SLC9A8: variants seen among roughly 807,000 people sequenced by gnomAD.
SLC9A8 encodes sodium/hydrogen exchanger 8.
A neutral mutation model predicts 66.6 loss-of-function variants in SLC9A8; 48 were observed. That is an observed-to-expected ratio of 0.72 (90% CI 0.57 to 0.92). SLC9A8 has a LOEUF of 0.92. Ranked by LOEUF, SLC9A8 falls within the 40% of genes least tolerant of loss-of-function variation. The pLI is 0.00. For missense variants in SLC9A8, 599 were observed against 747.3 expected (o/e 0.80, Z 2.31); for synonymous variants, 274 against 282.6 (o/e 0.97, Z 0.31).
chr20:49,839,979 G>A (rs552369933), intron 4 of SLC9A8, among the ~76,000 whole-genome samples: 1 of 152,238 alleles, frequency 6.6e-6, no homozygotes, highest in East Asian at 1.9e-4. Context: ...CCAGTACTGT[G>A]AGACACAGTA....
At chr20:49,878,112 C>T (rs748838460) in intron 12 of SLC9A8, 49 bp downstream of exon 12, 4 of 1,164,262 alleles carry the variant, frequency 3.4e-6, no homozygotes, top group Admixed American at 4.8e-5. Context: ...ATTTGTAGAT[C>T]AATAAACACA....
chr20:49,813,075 C>A, intron 1 of SLC9A8, 127 bp downstream of exon 1: 5 of 445,790 alleles, frequency 1.1e-5, no homozygotes, highest in Non-Finnish European at 1.1e-5. Context: ...CAGGACTGAC[C>A]AAGCCGGTGC....
rs3091810 is a variant in SLC9A8 at position 49,847,907 on chromosome 20, G to GTTTT, written c.433-1656_433-1653dup. ...CAAACAGGTCAAAACTGATTAATCT[G>GTTTT]TTTTTTTTTTTTTTTTTTTGAGATG... On this transcript the variant is annotated intron_variant, in intron 5 of 15. Transcript: ENST00000361573. 2.3e-3 allele frequency among the ~76,000 whole-genome samples: 269 copies of GTTTT among 115,050 alleles called. 12 individuals are homozygous for GTTTT. Among genetic ancestry groups the GTTTT allele is most frequent in the Non-Finnish European group, 2.8e-3 (169 of 60,024 alleles). 75.5% of individuals were successfully genotyped at this position (115,050 alleles called of 152,430 possible).
chr20:49,855,039 G>A (rs1409854297), intron 7 of SLC9A8, among the ~76,000 whole-genome samples: 2 of 152,198 alleles, frequency 1.3e-5, no homozygotes, highest in Non-Finnish European at 1.5e-5. Flanking sequence ...GGTCGGTCAC[G>A]GACAGCATTC....
intron 8 of SLC9A8, among the ~76,000 whole-genome samples, chr20:49,860,021 C>A (rs1201051019): frequency 2.5e-4 from 38 of 152,166 alleles, no homozygotes; most frequent in Non-Finnish European, 8.8e-5. Context: ...TCTCTTTGGG[C>A]CTCAGGCTAC....
intron 1 of SLC9A8, 44 bp downstream of exon 1, chr20:49,812,992 C>T (rs996249680): frequency 8.8e-6 from 12 of 1,367,274 alleles, no homozygotes; most frequent in Non-Finnish European, 1.0e-5. Context: ...CGGGGCTGGG[C>T]CCCGGCGGGT....
At chr20:49,828,221 T>C (rs6020071) in intron 3 of SLC9A8, among the ~76,000 whole-genome samples, 150,085 of 151,366 alleles carry the variant, frequency 0.99, 74,412 homozygotes, top group Middle Eastern at 1. Context: ...GCTGGGATTA[T>C]AGGTGCCTGC....
At chr20:49,837,738 T>C (rs2087596270) in intron 3 of SLC9A8, among the ~76,000 whole-genome samples, 1 of 152,106 alleles carries the variant, frequency 6.6e-6, no homozygotes. Flanking sequence ...GGCTAATTTT[T>C]GTATTTTTTT....
intron 4 of SLC9A8, among the ~76,000 whole-genome samples, chr20:49,842,377 T>C (rs2087804376): frequency 6.6e-6 from 1 of 152,182 alleles, no homozygotes; most frequent in Non-Finnish European, 1.5e-5. Context: ...CATGTTTATT[T>C]TCAAGGCAAC....
intron 13 of SLC9A8, among the ~76,000 whole-genome samples, chr20:49,882,808 GC>G (rs1265145731): frequency 1.3e-5 from 2 of 152,180 alleles, no homozygotes; most frequent in African/African-American, 4.8e-5. Context: ...GAATCCTCTG[GC>G]CCGTGACAGG....
At chr20:49,814,006 A>G (rs2086456939) in intron 1 of SLC9A8, among the ~76,000 whole-genome samples, 1 of 152,202 alleles carries the variant, frequency 6.6e-6, no homozygotes, top group Admixed American at 6.5e-5. Flanking sequence ...TGAGTATGTG[A>G]AGATGAATAA....
chr20:49,867,140 T>G (rs1323126401), intron 10 of SLC9A8, among the ~76,000 whole-genome samples: 2 of 152,234 alleles, frequency 1.3e-5, no homozygotes, highest in Non-Finnish European at 2.9e-5. Flanking sequence ...ATTTTCTTGC[T>G]CTTTGCTTGT....
At chr20:49,826,165 G>A (rs1367224813) in intron 3 of SLC9A8, among the ~76,000 whole-genome samples, 1 of 152,238 alleles carries the variant, frequency 6.6e-6, no homozygotes, top group African/African-American at 2.4e-5. Context: ...CAGGGAGAGT[G>A]CTGAGGTCCA....
chr20:49,874,935 C>T, intron 11 of SLC9A8, 114 bp downstream of exon 11: 2 of 755,700 alleles, frequency 2.6e-6, no homozygotes, highest in South Asian at 3.0e-5. Flanking sequence ...AGCAGCTCCT[C>T]AGAGCCAGAT....
At chr20:49,819,643 C>G (rs2086667792) in intron 2 of SLC9A8, among the ~76,000 whole-genome samples, 1 of 152,120 alleles carries the variant, frequency 6.6e-6, no homozygotes, top group South Asian at 2.1e-4. Flanking sequence ...TCACTACTAT[C>G]TAGTTTCAGA....
intron 2 of SLC9A8, 138 bp from the exon 3 acceptor site, chr20:49,822,923 C>A: frequency 3.0e-6 from 2 of 671,054 alleles, no homozygotes; most frequent in Non-Finnish European, 5.3e-6. Flanking sequence ...CGAAAAACAC[C>A]GCTGAAGTTC....
rs145126338 is a variant in SLC9A8 at position 49,886,781 on chromosome 20, G to A, written c.1521G>A (p.Ser507=). 1.7e-4 allele frequency: 270 copies of A among 1,614,108 alleles called. No individual in the cohort carries two copies. The highest frequency in any genetic ancestry group is 3.9e-4 in the African/African-American group (29 of 75,054). ...MGNTVESEHL[S]ELTEEEYEAH... Reference sequence around the variant, plus strand: ...ACACTGTGGAGTCGGAGCACCTGTCGGAGCTCACGGAGGAGGAGTACGAGG... The same window carrying A: ...ACACTGTGGAGTCGGAGCACCTGTCAGAGCTCACGGAGGAGGAGTACGAGG... Residue 507 remains serine (S), a synonymous_variant, in exon 15 of 16, where the codon TCG becomes TCA. Coordinates refer to ENST00000361573, the MANE Select transcript of SLC9A8 (RefSeq NM_015266.3). This position sits in a 1 kb window ranked among gnomAD's most constrained non-coding sequence, Gnocchi z 4.8.
rs1410155745 is a variant in SLC9A8, at chr20:49,883,969, G to A, written c.1394G>A (p.Gly465Asp). The change falls in exon 14 of 16, where the codon GGC becomes GAC. Residue 465 changes from glycine to aspartate, a missense_variant. Gly to Asp is a moderately conservative substitution (Grantham distance 94, BLOSUM62 -1). Around this residue, in one of 2 missense-constraint regions of SLC9A8, gnomAD observed 467 missense variants for 626.5 expected, o/e 0.75. Transcript: ENST00000361573. ...IVLFTILLLG[G>D]STMPLIRLMD... The stretch of plus-strand genomic sequence containing the variant: ...CTCTTCACCATCCTGCTGCTGGGCG[G>A]CAGCACCATGCCCCTCATTCGCCTC... The A allele has an allele frequency of 6.2e-7, 1 of 1,613,296 alleles. No individual in the cohort carries two copies. The highest frequency in any genetic ancestry group is 1.1e-5 in the South Asian group (1 of 91,072).
At chr20:49,882,186 C>T (rs968738056) in intron 13 of SLC9A8, among the ~76,000 whole-genome samples, 3 of 152,188 alleles carry the variant, frequency 2.0e-5, no homozygotes, top group Non-Finnish European at 4.4e-5. Flanking sequence ...CAGCTGTGTC[C>T]GCACCTCTTT....
Sources: gnomAD v4.1 joint callset for allele counts (sites outside exome capture counted in the v4.1 genomes callset) on GRCh38, gnomAD v4.1.1 for gene constraint, gnomAD v4.1.1 regional missense constraint, Gnocchi (gnomAD v3.1) non-coding constraint, MANE v1.5 for transcripts, NCBI Gene and HGNC (gene_info 2026-07-23, HGNC 2026-07-21) for gene names.